Variants in ABI2 observed in about 807,000 individuals in gnomAD.
The protein encoded by ABI2 is abelson interactor 2.
Under a neutral mutation model 59.2 loss-of-function variants are expected in ABI2, and 25 were observed. The ratio of observed to expected loss-of-function variants is 0.42; its 90% CI spans 0.31 to 0.59. The LOEUF is 0.59. Among genes scored for constraint, ABI2 ranks in the 20% least tolerant of loss-of-function variants. The probability of loss-of-function intolerance (pLI) is 0.14; values close to 1 mark genes in which losing one functional copy is unlikely to be tolerated. For missense variants in ABI2, 545 were observed against 681.8 expected (o/e 0.80, Z 2.23); for synonymous variants, 213 against 235.5 (o/e 0.90, Z 0.87).
chr2:203,370,633 G>A (rs2095079746), intron 2 of ABI2, among the ~76,000 whole-genome samples: 1 of 152,086 alleles, frequency 6.6e-6, no homozygotes, highest in African/African-American at 2.4e-5. Context: ...TTATTATGAT[G>A]CTTGTATTAT....
chr2:203,425,454 G>A (rs1026113543), intron 11 of ABI2, among the ~76,000 whole-genome samples: 4 of 151,958 alleles, frequency 2.6e-5, no homozygotes, highest in African/African-American at 4.8e-5. Flanking sequence ...TGCCTGCCTT[G>A]GCCTCCCAAA....
chr2:203,416,265 G>T (rs2097887908), intron 10 of ABI2, among the ~76,000 whole-genome samples: 1 of 151,780 alleles, frequency 6.6e-6, no homozygotes, highest in African/African-American at 2.4e-5. Flanking sequence ...TGATCTCTGG[G>T]TTTTTTTATT....
chr2:203,392,976 T>A (rs1036944857), intron 5 of ABI2, among the ~76,000 whole-genome samples: 12 of 151,930 alleles, frequency 7.9e-5, no homozygotes, highest in South Asian at 2.1e-4. Flanking sequence ...CCTTTTTTTT[T>A]TAAAAAAAAT....
chr2:203,427,071 TTGAG>T (rs1338094333), intron 11 of ABI2, 102 bp from the exon 12 acceptor site: 2 of 944,258 alleles, frequency 2.1e-6, no homozygotes, highest in African/African-American at 3.3e-5. Flanking sequence ...GTCACCATGT[TTGAG>T]TGCTACAGGA....
At chr2:203,385,136 A>ATTATTTTTTTTTTTTTTTTTT (rs1231169110) in intron 4 of ABI2, among the ~76,000 whole-genome samples, 1 of 26,244 alleles carries the variant, frequency 3.8e-5, no homozygotes, top group South Asian at 1.6e-3. Flanking sequence ...CCCGGCTCAG[A>ATTATTTTTTTTTTTTTTTTTT]TTCTTTTTTT....
rs928401027 is a variant in ABI2 at position 203,338,908 on chromosome 2, C to T, written c.117+10277C>T. Among the ~76,000 whole-genome samples, 10 of 64,034 alleles carry T rather than the reference C, an allele frequency of 1.6e-4. 1 individual carries two copies. The Admixed American group carries it at 1.9e-3, about 12-fold the overall frequency. The allele number at this position is 64,034 out of a possible 152,430, so 42.0% of individuals were successfully genotyped here. On this transcript the variant is annotated intron_variant, in intron 1 of 11. Transcript: ENST00000261018. ...CATCTATCTGATAAGGGGTTTATATCTGTGTGTGTGTGTGTGTGTGTATAT... is the reference window on the plus strand; with the variant it reads ...CATCTATCTGATAAGGGGTTTATATTTGTGTGTGTGTGTGTGTGTGTATAT...
chr2:203,401,857 A>G (rs1034268249), intron 8 of ABI2, among the ~76,000 whole-genome samples: 19 of 152,146 alleles, frequency 1.2e-4, no homozygotes, highest in Non-Finnish European at 7.4e-5. Flanking sequence ...TTATTTTGGA[A>G]TAAGACTGTG....
intron 2 of ABI2, 80 bp downstream of exon 2, chr2:203,367,124 T>C: frequency 7.0e-7 from 1 of 1,429,728 alleles, no homozygotes; most frequent in South Asian, 1.8e-5. Flanking sequence ...CTGGCAGCTT[T>C]TATTATGTAA....
At chr2:203,394,119 G>T (rs2096878679) in intron 5 of ABI2, among the ~76,000 whole-genome samples, 1 of 152,180 alleles carries the variant, frequency 6.6e-6, no homozygotes. Context: ...TGAAAGTTGA[G>T]GGAGAAAGTG....
intron 2 of ABI2, among the ~76,000 whole-genome samples, chr2:203,375,274 CAAT>C (rs1392215593): frequency 6.6e-6 from 1 of 152,128 alleles, no homozygotes; most frequent in Non-Finnish European, 1.5e-5. Flanking sequence ...CTGTAGCAAA[CAAT>C]AATTATATTA....
At chr2:203,347,424 C>T (rs917844584) in intron 1 of ABI2, among the ~76,000 whole-genome samples, 2 of 152,136 alleles carry the variant, frequency 1.3e-5, no homozygotes, top group Non-Finnish European at 2.9e-5. Context: ...TACTTCTAGC[C>T]TTGTAATCCC....
intron 9 of ABI2, among the ~76,000 whole-genome samples, chr2:203,408,895 G>T (rs1249109430): frequency 8.4e-6 from 1 of 118,386 alleles, no homozygotes; most frequent in Non-Finnish European, 1.7e-5. Context: ...GCGGACTGCA[G>T]TGGCGCAATC....
intron 2 of ABI2, 68 bp downstream of exon 2, chr2:203,367,112 T>G (rs1349287998): frequency 6.9e-7 from 1 of 1,459,530 alleles, no homozygotes; most frequent in East Asian, 2.4e-5. Context: ...CTATCTGTAA[T>G]GCTGGCAGCT....
chr2:203,333,967 GTC>G (rs1284082699), intron 1 of ABI2, among the ~76,000 whole-genome samples: 1 of 144,990 alleles, frequency 6.9e-6, no homozygotes, highest in Non-Finnish European at 1.5e-5. Context: ...TTGAGATGGA[GTC>G]TCACTCCTTT....
chr2:203,388,582 G>C (rs1259662561), intron 4 of ABI2, among the ~76,000 whole-genome samples: 1 of 152,088 alleles, frequency 6.6e-6, no homozygotes, highest in Non-Finnish European at 1.5e-5. Context: ...TCGGGAGGCT[G>C]AGTCAGGAGA....
At chr2:203,382,041 C>A in intron 3 of ABI2, 148 bp from the exon 4 acceptor site, 1 of 624,574 alleles carries the variant, frequency 1.6e-6, no homozygotes, top group Non-Finnish European at 2.7e-6. Flanking sequence ...ACCACTCTTT[C>A]TATGATCTAC....
intron 1 of ABI2, among the ~76,000 whole-genome samples, chr2:203,353,210 C>A (rs1379076293): frequency 3.9e-5 from 6 of 151,940 alleles, no homozygotes; most frequent in Non-Finnish European, 7.4e-5. Context: ...TTTCAGATTA[C>A]AATTATCATA....
rs962745249 is a variant in ABI2, at chr2:203,373,244, C to CG, written c.285+6201dup. 5.9e-5 allele frequency among the ~76,000 whole-genome samples: 9 copies of CG among 152,316 alleles called. 1 individual carries two copies. Among genetic ancestry groups the CG allele is most frequent in the African/African-American group, 2.2e-4 (9 of 41,588 alleles). ...GGGAGGCCGAGGCTGGCGGATCACT[C>CG]GCGGTTAGGAGCTGGAGACCAGCCC... On this transcript the variant is annotated intron_variant, in intron 2 of 11. Transcript: ENST00000261018.
At chr2:203,382,330 T>A in intron 4 of ABI2, 124 bp downstream of exon 4, 1 of 881,246 alleles carries the variant, frequency 1.1e-6, no homozygotes, top group Non-Finnish European at 1.7e-6. Flanking sequence ...CCTTTTTGTT[T>A]TATTTTTTGT....
Sources: allele counts gnomAD v4.1 joint callset (sites outside exome capture counted in the v4.1 genomes callset), GRCh38; gene constraint gnomAD v4.1.1; transcripts MANE v1.5; gene names NCBI Gene and HGNC (gene_info 2026-07-23, HGNC 2026-07-21).